Variants in CACNA1H observed in about 807,000 individuals in gnomAD.
The protein encoded by CACNA1H is voltage-dependent T-type calcium channel subunit alpha-1H.
Under a neutral mutation model 192.5 loss-of-function variants are expected in CACNA1H, and 149 were observed. The observed-to-expected ratio is 0.77, with a 90% CI of 0.68 to 0.89. CACNA1H has a LOEUF of 0.89. Ranked by LOEUF, CACNA1H falls within the 40% of genes least tolerant of loss-of-function variation. The probability of loss-of-function intolerance (pLI) is 0.00; values close to 1 mark genes in which losing one functional copy is unlikely to be tolerated. For synonymous variants in CACNA1H, 2,202 were observed against 1,475.2 expected (o/e 1.49, Z -11.29); for missense variants, 4,257 against 3,423.5 (o/e 1.24, Z -6.08).
chr16:1,186,509 C>T (rs924401235), intron 2 of CACNA1H, among the ~76,000 whole-genome samples: 6 of 152,086 alleles, frequency 3.9e-5, no homozygotes, highest in Non-Finnish European at 5.9e-5. Flanking sequence ...CTCGTCTTGT[C>T]CCTCTCCACG....
chr16:1,218,721 G>A lies in CACNA1H; in HGVS notation c.5887+70G>A, dbSNP rs1053024765. On this transcript the variant is annotated intron_variant, in intron 33 of 34. Transcript: ENST00000348261. ...CAGGGAGGAAGATGGGGGCAGGTGG[G>A]AGGGAGGATGGGGTCAGGCCAGAGC... 6.3e-6 allele frequency: 8 copies of A among 1,271,884 alleles called. No individual in the cohort carries two copies. The East Asian group carries it at 1.3e-4, about 20-fold the overall frequency. The allele number at this position is 1,271,884 out of a possible 1,614,324, so 78.8% of individuals were successfully genotyped here. A position where few individuals can be genotyped will look rare whatever the true frequency, so the allele number is the denominator to read the frequency against.
chr16:1,195,513 T>G lies in CACNA1H; in HGVS notation c.493T>G (p.Cys165Gly), dbSNP rs749032674. The change falls in exon 4 of 35, where the codon TGT becomes GGT. Residue 165 changes from cysteine to glycine, a missense_variant. Transcript: ENST00000348261. ...MVALGLFGQK[C>G]YLGDTWNRLD... ...GGCCTTGGGGCTGTTCGGGCAGAAG[T>G]GTTACCTGGGTGACACGTGGAACAG... is the stretch of plus-strand genomic sequence containing the variant. The G allele has an allele frequency of 6.2e-7, 1 of 1,603,194 alleles. No homozygotes were observed. The highest frequency in any genetic ancestry group is 8.5e-7 in the Non-Finnish European group (1 of 1,175,138).
chr16:1,202,859 G>C (rs544358144), intron 9 of CACNA1H, among the ~76,000 whole-genome samples: 2 of 152,114 alleles, frequency 1.3e-5, no homozygotes, highest in Non-Finnish European at 2.9e-5. Flanking sequence ...CCCCTTCTAG[G>C]TGGGGACGCT....
rs776156272 is a variant in CACNA1H at position 1,211,232 on chromosome 16, A to T, written c.4288A>T (p.Ile1430Phe). The T allele has an allele frequency of 3.7e-6, 6 of 1,612,952 alleles. No individual in the cohort carries two copies. Among genetic ancestry groups the T allele is most frequent in the Non-Finnish European group, 5.1e-6 (6 of 1,179,748 alleles). The stretch of plus-strand genomic sequence containing the variant: ...GACGCTGATATCATCACTCAGGCCC[A>T]TTGGGAACATCGTCCTCATCTGCTG... Reference protein sequence around the residue: ...VETLISSLRPIGNIVLICCAF... With the variant: ...VETLISSLRPFGNIVLICCAF... Residue 1430 changes from isoleucine (I) to phenylalanine (F), a missense_variant, in exon 22 of 35, where the codon ATT becomes TTT. Ile to Phe is a conservative substitution (Grantham distance 21, BLOSUM62 0). Transcript: ENST00000348261.
At chr16:1,201,578 T>G in intron 8 of CACNA1H, 85 bp from the exon 9 acceptor site, 4 of 1,450,332 alleles carry the variant, frequency 2.8e-6, no homozygotes, top group Non-Finnish European at 3.7e-6. Context: ...CGGCCCCCAC[T>G]CGAACAGGCA....
chr16:1,163,469 C>T lies in CACNA1H; in HGVS notation c.299+9433C>T, dbSNP rs370010371. On this transcript the variant is annotated intron_variant, in intron 2 of 34. Transcript: ENST00000348261. The stretch of plus-strand genomic sequence containing the variant: ...TCTGAAGCCGCAGCCACACACAGCC[C>T]GGCCTGCCTCAGAGGGGAAACCCGT... Among the ~76,000 whole-genome samples, 32 of 152,340 alleles carry T rather than the reference C, an allele frequency of 2.1e-4. No individual in the cohort carries two copies. In the East Asian group the frequency reaches 2.1e-3, roughly 10 times the overall value.
In CACNA1H at chr16:1,198,616, C is replaced by G. The variant is rs1171444249; in HGVS notation, c.645C>G (p.Ser215Arg). Reference sequence around the variant, plus strand: ...CAATCCTGGCCCTGCTGCCCACAGGCATGCGGATCCTGGTCACTCTGCTGC... The same window carrying G: ...CAATCCTGGCCCTGCTGCCCACAGGGATGCGGATCCTGGTCACTCTGCTGC... ...RPLRAINRVP[S>R]MRILVTLLLD... Residue 215 changes from serine (S) to arginine (R), a missense_variant and splice_region_variant, in exon 6 of 35, where the codon AGC becomes AGG. Coordinates refer to ENST00000348261, the MANE Select transcript of CACNA1H (RefSeq NM_021098.3). 6.2e-7 allele frequency: 1 copy of G among 1,612,572 alleles called. No individual in the cohort carries two copies. The highest frequency in any genetic ancestry group is 1.3e-5 in the African/African-American group (1 of 74,874).
At chr16:1,170,761 GCCAGGAGA>G (rs1397367928) in intron 2 of CACNA1H, among the ~76,000 whole-genome samples, 2 of 152,170 alleles carry the variant, frequency 1.3e-5, no homozygotes, top group Non-Finnish European at 2.9e-5. Flanking sequence ...GGAGGAAGAG[GCCAGGAGA>G]CCAGGGCATG....
At position 1,220,226 on chromosome 16, in the gene CACNA1H, C is replaced by G. The variant is rs764545961; in HGVS notation, c.6294C>G (p.Asp2098Glu). ...GEEAEASDPADEEVSHITSSA... is the reference protein window; with the variant it reads ...GEEAEASDPAEEEVSHITSSA... ...AGGCCGAGGCCTCGGACCCAGCCGACGAGGAGGTCAGCCACATCACCAGCT... is the reference window on the plus strand; with the variant it reads ...AGGCCGAGGCCTCGGACCCAGCCGAGGAGGAGGTCAGCCACATCACCAGCT... The change falls in exon 35 of 35, where the codon GAC becomes GAG. Residue 2098 changes from aspartate to glutamate, a missense_variant. Physicochemically the swap from Asp to Glu is conservative, Grantham distance 45. Transcript: ENST00000348261. 3.8e-6 allele frequency: 6 copies of G among 1,579,350 alleles called. No individual in the cohort carries two copies. The highest frequency in any genetic ancestry group is 5.1e-6 in the Non-Finnish European group (6 of 1,168,110).
chr16:1,176,684 G>T (rs953206232), intron 2 of CACNA1H, among the ~76,000 whole-genome samples: 2 of 152,208 alleles, frequency 1.3e-5, no homozygotes, highest in African/African-American at 2.4e-5. Context: ...ATGGGGGTCC[G>T]GGGGCCGGCT....
chr16:1,221,318 G>C lies in CACNA1H; in HGVS notation c.*324G>C. 1 of 390,368 alleles carries C rather than the reference G, an allele frequency of 2.6e-6. No individual in the cohort carries two copies. Among genetic ancestry groups the C allele is most frequent in the Admixed American group, 4.2e-5 (1 of 24,028 alleles). 24.2% of individuals were successfully genotyped at this position (390,368 alleles called of 1,614,324 possible). A position where few individuals can be genotyped will look rare whatever the true frequency, so the allele number is the denominator to read the frequency against. On this transcript the variant is annotated 3_prime_UTR_variant, in exon 35 of 35. Transcript: ENST00000348261. ...ACCGGGCACCCGCCAGAGAGGGGAA[G>C]GTACCAGGTTGCGTCCTTTCAGGCC...
At chr16:1,183,941 C>A (rs557471142) in intron 2 of CACNA1H, among the ~76,000 whole-genome samples, 216 of 152,364 alleles carry the variant, frequency 1.4e-3, no homozygotes, top group African/African-American at 5.0e-3. Flanking sequence ...GCCCTGGAGC[C>A]GTGTCCATGC....
Position 1,213,792 on chromosome 16 carries a change from G to T in CACNA1H, c.4790G>T (p.Arg1597Leu). Residue 1597 changes from arginine to leucine, a missense_variant, in exon 27 of 35, where the codon CGG becomes CTG. Arg to Leu is a moderately radical substitution (Grantham distance 102, BLOSUM62 -2). Coordinates refer to ENST00000348261, the MANE Select transcript of CACNA1H (RefSeq NM_021098.3). ...GCCCTCCCCGCAGAGGCCCAGCGCC[G>T]GCCCTACTATGCCGACTACTCGCCC... ...STFPSPEAQRRPYYADYSPTR... is the reference protein window; with the variant it reads ...STFPSPEAQRLPYYADYSPTR... 5 of 1,563,572 alleles carry T rather than the reference G, an allele frequency of 3.2e-6. No individual in the cohort carries two copies. Among genetic ancestry groups the T allele is most frequent in the Non-Finnish European group, 4.3e-6 (5 of 1,156,764 alleles).
chr16:1,174,100 C>G (rs1964632152), intron 2 of CACNA1H, among the ~76,000 whole-genome samples: 1 of 152,200 alleles, frequency 6.6e-6, no homozygotes, highest in Non-Finnish European at 1.5e-5. Flanking sequence ...GCCTCACAGT[C>G]CATGCAGCTC....
chr16:1,156,792 C>T (rs955846551), intron 2 of CACNA1H, among the ~76,000 whole-genome samples: 5 of 152,124 alleles, frequency 3.3e-5, no homozygotes, highest in African/African-American at 1.2e-4. Flanking sequence ...GCACAGGAAC[C>T]TGGGGGAGGG....
intron 5 of CACNA1H, among the ~76,000 whole-genome samples, chr16:1,197,937 C>A (rs903888917): frequency 1.3e-5 from 2 of 152,166 alleles, no homozygotes; most frequent in Admixed American, 6.5e-5. Context: ...GTTCACGTAG[C>A]CCATAGCACC....
intron 2 of CACNA1H, among the ~76,000 whole-genome samples, chr16:1,191,993 G>T (rs545319775): frequency 6.6e-6 from 1 of 152,378 alleles, no homozygotes; most frequent in African/African-American, 2.4e-5. Flanking sequence ...GGCTTAGCTC[G>T]GGAGGCCGTC....
At chr16:1,187,784 C>T (rs1596360299) in intron 2 of CACNA1H, among the ~76,000 whole-genome samples, 1 of 152,242 alleles carries the variant, frequency 6.6e-6, no homozygotes, top group Non-Finnish European at 1.5e-5. Context: ...CTACAGTCCC[C>T]TCCCTGGTGG....
chr16:1,216,185 C>T (rs1049061865), intron 30 of CACNA1H, among the ~76,000 whole-genome samples: 2 of 152,196 alleles, frequency 1.3e-5, no homozygotes, highest in African/African-American at 4.8e-5. Context: ...TCCTCCTGTT[C>T]CCACCCATTT....
Sources: gnomAD v4.1 joint callset for allele counts (sites outside exome capture counted in the v4.1 genomes callset) on GRCh38, gnomAD v4.1.1 for gene constraint, MANE v1.5 for transcripts, NCBI Gene and HGNC (gene_info 2026-07-23, HGNC 2026-07-21) for gene names.